The following ABHD18 variants were observed in gnomAD, a reference collection of about 807,000 sequenced individuals.
ABHD18 encodes cardiolipin-specific deacylase, mitochondrial.
A neutral mutation model predicts 65.9 loss-of-function variants in ABHD18; 55 were observed. The observed-to-expected ratio is 0.84, with a 90% CI of 0.67 to 1.05. The LOEUF is 1.05. ABHD18 is among the 50% of genes least tolerant of loss of function. The pLI is 0.00. For synonymous variants in ABHD18, 181 were observed against 180.2 expected (o/e 1.00, Z -0.04); for missense variants, 533 against 558.5 (o/e 0.95, Z 0.46).
At chr4:127,994,297 T>C (rs1751392859) in intron 4 of ABHD18, among the ~76,000 whole-genome samples, 1 of 152,202 alleles carries the variant, frequency 6.6e-6, no homozygotes, top group Non-Finnish European at 1.5e-5. Context: ...TATAATATTT[T>C]AAAACATAGC....
intron 6 of ABHD18, 129 bp from the exon 7 acceptor site, chr4:128,011,544 C>A (rs1754580894): frequency 4.0e-6 from 2 of 502,630 alleles, no homozygotes; most frequent in South Asian, 4.4e-5. Context: ...TTCTAAACAG[C>A]CTACTTAAGA....
At position 128,037,873 on chromosome 4, in the gene ABHD18, C is replaced by A. The variant is rs908566962; in HGVS notation, c.*2060C>A. Reference sequence around the variant, plus strand: ...TTTATATGGCTCGATTTGGTGCTTTCTTTTTATGTTAAACTTCTCTAGCTG... The same window carrying A: ...TTTATATGGCTCGATTTGGTGCTTTATTTTTATGTTAAACTTCTCTAGCTG... On this transcript the variant is annotated 3_prime_UTR_variant, in exon 13 of 13. Transcript: ENST00000645843. The A allele has an allele frequency of 6.8e-6, 1 of 147,096 alleles. No individual in the cohort carries two copies. The highest frequency in any genetic ancestry group is 1.5e-5 in the Non-Finnish European group (1 of 66,952). 9.1% of individuals were successfully genotyped at this position (147,096 alleles called of 1,614,324 possible).
chr4:128,008,194 G>A (rs1002908605), intron 4 of ABHD18, among the ~76,000 whole-genome samples: 7 of 151,296 alleles, frequency 4.6e-5, no homozygotes, highest in East Asian at 2.0e-4. Flanking sequence ...CCTGGGAGGC[G>A]GTGGTTGCAG....
intron 7 of ABHD18, among the ~76,000 whole-genome samples, chr4:128,015,133 T>C (rs1212059378): frequency 6.7e-6 from 1 of 150,224 alleles, no homozygotes; most frequent in East Asian, 2.0e-4. Context: ...TAGTCCCAGG[T>C]ACTCAGGAGG....
chr4:128,011,479 GTTT>G (rs33994912), intron 6 of ABHD18, among the ~76,000 whole-genome samples, 191 bp from the exon 7 acceptor site: 22 of 141,126 alleles, frequency 1.6e-4, no homozygotes, highest in East Asian at 1.0e-3. Flanking sequence ...AGTAAAGCTG[GTTT>G]TTTTTTTTTT....
rs145102002 is a variant in ABHD18 at position 128,017,387 on chromosome 4, C to T, written c.495C>T (p.Ser165=). ...GAAGGTCCAGCTTAAAAAATGTGTC[C>T]GACCTTTTTGTGATGGGAGGAGCTC... The part of the protein sequence containing the change: ...DQVRSSLKNV[S]DLFVMGGALV... Residue 165 remains serine (S), a synonymous_variant, in exon 8 of 13, where the codon TCC becomes TCT. Transcript: ENST00000645843. The T allele has an allele frequency of 2.2e-3, 3,570 of 1,613,550 alleles. 16 individuals carry two copies. The highest frequency in any genetic ancestry group is 0.013 in the Middle Eastern group (78 of 6,060).
intron 7 of ABHD18, 99 bp from the exon 8 acceptor site, chr4:128,017,264 A>G: frequency 1.8e-6 from 2 of 1,136,954 alleles, no homozygotes; most frequent in Non-Finnish European, 2.5e-6. Context: ...CTGGTCCTTT[A>G]GAAGAGATGC....
In ABHD18 at chr4:128,011,494, T is replaced by TA. The variant is rs1560895058; in HGVS notation, c.443-179_443-178insA. 6.9e-3 allele frequency among the ~76,000 whole-genome samples: 1,041 copies of TA among 149,982 alleles called. 9 individuals are homozygous for TA. The highest frequency in any genetic ancestry group is 0.024 in the African/African-American group (1,002 of 41,076). ...AGTAAAGCTGGTTTTTTTTTTTTTT[T>TA]TAAAAAAAAGGAAAATAATTAAGTT... is the stretch of plus-strand genomic sequence containing the variant. On this transcript the variant is annotated intron_variant, in intron 6 of 12. Transcript: ENST00000645843.
rs1304240846 is a variant in ABHD18, at chr4:127,971,692, G to A, written c.-18+6086G>A. ...TTTTTAGTAGAGATGGGGTTTCTCCGTGTTAGCCAGGGTGGTCTCAATCTC... is the reference window on the plus strand; with the variant it reads ...TTTTTAGTAGAGATGGGGTTTCTCCATGTTAGCCAGGGTGGTCTCAATCTC... On this transcript the variant is annotated intron_variant, in intron 1 of 12. Coordinates refer to ENST00000645843, the MANE Select transcript of ABHD18 (RefSeq NM_001358451.3). Among the ~76,000 whole-genome samples, 9 of 151,858 alleles carry A rather than the reference G, an allele frequency of 5.9e-5. No homozygotes were observed. The East Asian group carries it at 7.8e-4, about 13-fold the overall frequency.
chr4:128,012,905 A>C (rs1754813895), intron 7 of ABHD18, among the ~76,000 whole-genome samples: 1 of 151,866 alleles, frequency 6.6e-6, no homozygotes, highest in South Asian at 2.1e-4. Flanking sequence ...GTGTCTACTA[A>C]AAATACAAAA....
intron 8 of ABHD18, 113 bp from the exon 9 acceptor site, chr4:128,019,966 AC>A: frequency 1.7e-6 from 1 of 590,332 alleles, no homozygotes; most frequent in Non-Finnish European, 2.9e-6. Flanking sequence ...ATGTTTGCAG[AC>A]TTTGTGTTTA....
In ABHD18 at chr4:128,011,577, G is replaced by GT. The variant is rs1163351149; in HGVS notation, c.443-95dup. The GT allele has an allele frequency of 1.2e-4, 101 of 816,338 alleles. No individual in the cohort carries two copies. In the Middle Eastern group the frequency reaches 2.9e-3, roughly 23 times the overall value. 50.6% of individuals were successfully genotyped at this position (816,338 alleles called of 1,614,324 possible). On this transcript the variant is annotated intron_variant, in intron 6 of 12. Transcript: ENST00000645843. ...AGATAATTAGAATGGAGTTATTTCA[G>GT]TATTAAATTGTGTAAAATTTAACTA... is the stretch of plus-strand genomic sequence containing the variant.
chr4:128,028,699 A>G lies in ABHD18; in HGVS notation c.1026A>G (p.Gln342=). The change falls in exon 11 of 13, where the codon CAA becomes CAG. Residue 342 remains glutamine (Q), a synonymous_variant. Coordinates refer to ENST00000645843, the MANE Select transcript of ABHD18 (RefSeq NM_001358451.3). Reference sequence around the variant, plus strand: ...CCTCTAAGATGAAGCGCTTCAATCAAACACTTTCAACCAACAAAAGTGGTT... The same window carrying G: ...CCTCTAAGATGAAGCGCTTCAATCAGACACTTTCAACCAACAAAAGTGGTT... ...QDTSKMKRFN[Q]TLSTNKSGYT... is the part of the protein sequence containing the mutation. The G allele has an allele frequency of 6.2e-7, 1 of 1,613,946 alleles. No homozygotes were observed. Among genetic ancestry groups the G allele is most frequent in the Non-Finnish European group, 8.5e-7 (1 of 1,179,866 alleles).
Position 128,009,107 on chromosome 4 carries a change from C to G in ABHD18, c.358C>G (p.His120Asp). The G allele has an allele frequency of 6.3e-7, 1 of 1,576,560 alleles. No individual in the cohort carries two copies. Among genetic ancestry groups the G allele is most frequent in the Non-Finnish European group, 8.6e-7 (1 of 1,169,032 alleles). The change falls in exon 6 of 13, where the codon CAT becomes GAT. Residue 120 changes from histidine (H) to aspartate (D), a missense_variant and splice_region_variant. His to Asp is a moderately conservative substitution (Grantham distance 81, BLOSUM62 -1). Around this residue, in one of 3 missense-constraint regions of ABHD18, gnomAD observed 309 missense variants for 313.5 expected, o/e 0.99. Coordinates refer to ENST00000645843, the MANE Select transcript of ABHD18 (RefSeq NM_001358451.3). The stretch of plus-strand genomic sequence containing the variant: ...AGTATGTGTTCTTTTCTTTCCTTAG[C>G]ATTACTGGAGGCGACGAACACTAAT... ...CIHLAGTGDH[H>D]YWRRRTLMAR... is the part of the protein sequence containing the mutation.
In ABHD18 at chr4:128,020,103, C is replaced by G. The variant is rs537069265; in HGVS notation, c.633C>G (p.Asn211Lys). The change falls in exon 9 of 13, where the codon AAC becomes AAG. Residue 211 changes from asparagine to lysine, a missense_variant. Around this residue, in one of 3 missense-constraint regions of ABHD18, gnomAD observed 309 missense variants for 313.5 expected, o/e 0.99. Coordinates refer to ENST00000645843, the MANE Select transcript of ABHD18 (RefSeq NM_001358451.3). ...AGATGGCTTCCTTAGCGGTATCCAA[C>G]TGGCCTAAGCCCATGCCATTGATTC... is the stretch of plus-strand genomic sequence containing the variant. The part of the protein sequence containing the change: ...GGHMASLAVS[N>K]WPKPMPLIPC... 6.2e-7 allele frequency: 1 copy of G among 1,613,070 alleles called. No individual in the cohort carries two copies. Among genetic ancestry groups the G allele is most frequent in the South Asian group, 1.1e-5 (1 of 90,892 alleles).
At chr4:128,010,525 CAA>C (rs879334783) in intron 6 of ABHD18, among the ~76,000 whole-genome samples, 6 of 120,834 alleles carry the variant, frequency 5.0e-5, no homozygotes, top group African/African-American at 6.0e-5. Context: ...GAAACTGTGT[CAA>C]AAAAAAAAAA....
chr4:127,994,462 CTGTAA>C, intron 4 of ABHD18, among the ~76,000 whole-genome samples: 1 of 152,130 alleles, frequency 6.6e-6, no homozygotes, highest in East Asian at 1.9e-4. Context: ...TGGCGGGTGC[CTGTAA>C]TCCAAACTAC....
chr4:127,991,099 A>C (rs1286821530), intron 4 of ABHD18, among the ~76,000 whole-genome samples: 1 of 152,178 alleles, frequency 6.6e-6, no homozygotes, highest in Non-Finnish European at 1.5e-5. Flanking sequence ...CCTGGTCTCA[A>C]GGGATCCACC....
chr4:128,033,202 C>T (rs574621165), intron 12 of ABHD18, among the ~76,000 whole-genome samples: 250 of 151,262 alleles, frequency 1.7e-3, no homozygotes, highest in Middle Eastern at 3.4e-3. Flanking sequence ...TGCAGTGAGC[C>T]GAGATCGCAC....
Sources: gnomAD v4.1 joint callset for allele counts (sites outside exome capture counted in the v4.1 genomes callset) on GRCh38, gnomAD v4.1.1 for gene constraint, gnomAD v4.1.1 regional missense constraint, MANE v1.5 for transcripts, NCBI Gene and HGNC (gene_info 2026-07-23, HGNC 2026-07-21) for gene names.